The following TRPM8 variants were observed in gnomAD, a reference collection of about 807,000 sequenced individuals.
TRPM8 encodes the protein TRPM8 cationic channel.
In TRPM8, 110 loss-of-function variants were observed where a neutral mutation model predicts 133.7. The ratio of observed to expected loss-of-function variants is 0.82; its 90% confidence interval spans 0.70 to 0.96. The LOEUF is 0.96. Among genes scored for constraint, TRPM8 ranks in the 40% least tolerant of loss-of-function variants. The pLI is 0.00. For missense variants in TRPM8, 1,291 were observed against 1,379.5 expected, an observed-to-expected ratio of 0.94 and a Z score of 1.02; for synonymous variants, 535 against 532.3, an observed-to-expected ratio of 1.01 and a Z score of -0.07.
rs760117949 is a variant in TRPM8 at position 233,937,266 on chromosome 2, G to A, written c.192-87G>A. 2.0e-6 allele frequency: 3 copies of A among 1,483,944 alleles called. No homozygotes were observed. In the South Asian group the frequency reaches 3.7e-5, roughly 18 times the overall value. 91.9% of individuals were successfully genotyped at this position (1,483,944 alleles called of 1,614,324 possible). On this transcript the variant is annotated intron_variant, in intron 3 of 25. Transcript: ENST00000324695. ...AAAATAAGACTTGAAGGTATCCTTT[G>A]TGTGTCTATTTAAGCTAACAATACC...
chr2:233,985,740 A>T lies in TRPM8; in HGVS notation c.2814A>T (p.Pro938=). The T allele has an allele frequency of 6.2e-7, 1 of 1,614,190 alleles. No homozygotes were observed. The highest frequency in any genetic ancestry group is 2.2e-5 in the East Asian group (1 of 44,876). Residue 938 remains proline (P), a synonymous_variant, in exon 21 of 26, where the codon CCA becomes CCT. Transcript: ENST00000324695. ...HCTFTGNESK[P]LCVELDEHNL... Reference sequence around the variant, plus strand: ...CCTTCACTGGGAATGAGTCCAAGCCACTGTGTGTGGAGCTGGATGAGCACA... The same window carrying T: ...CCTTCACTGGGAATGAGTCCAAGCCTCTGTGTGTGGAGCTGGATGAGCACA...
intron 25 of TRPM8, among the ~76,000 whole-genome samples, chr2:234,015,187 A>G (rs1692929475): frequency 6.6e-6 from 1 of 152,200 alleles, no homozygotes; most frequent in African/African-American, 2.4e-5. Flanking sequence ...TAAAAATGCA[A>G]TTCAATTAAC....
intron 13 of TRPM8, 60 bp downstream of exon 13, chr2:233,963,437 G>C: frequency 9.4e-7 from 1 of 1,061,422 alleles, no homozygotes; most frequent in Non-Finnish European, 1.4e-6. Flanking sequence ...TAACAGTTCT[G>C]ATCCTCTCAA....
intron 17 of TRPM8, among the ~76,000 whole-genome samples, chr2:233,972,842 C>G (rs1433071677): frequency 6.6e-6 from 1 of 152,206 alleles, no homozygotes; most frequent in Non-Finnish European, 1.5e-5. Flanking sequence ...TTCCCGCTCA[C>G]GCCACTCCTT....
At position 233,954,042 on chromosome 2, in the gene TRPM8, G is replaced by A. The variant is rs201947255; in HGVS notation, c.1243+23G>A. On this transcript the variant is annotated intron_variant, in intron 10 of 25. Coordinates refer to ENST00000324695, the MANE Select transcript of TRPM8 (RefSeq NM_024080.5). ...AAGGTGAGTAAAAATAGCTCCTTTT[G>A]AAGTGTCAGCTTTGTGTTGCCTTCT... 5.2e-6 allele frequency: 8 copies of A among 1,537,148 alleles called. No homozygotes were observed. In the East Asian group the frequency reaches 1.8e-4, roughly 35 times the overall value.
At chr2:233,972,561 T>G (rs1691754793) in intron 17 of TRPM8, among the ~76,000 whole-genome samples, 1 of 152,266 alleles carries the variant, frequency 6.6e-6, no homozygotes, top group East Asian at 1.9e-4. Context: ...AGGAGCCCAC[T>G]GAGGGGGTGG....
intron 4 of TRPM8, among the ~76,000 whole-genome samples, chr2:233,938,244 C>T (rs1024118085): frequency 7.2e-5 from 11 of 152,234 alleles, no homozygotes; most frequent in African/African-American, 2.7e-4. Context: ...CGGCTTCAAA[C>T]GCCTCAAGTC....
rs750986849 is a variant in TRPM8 at position 233,969,766 on chromosome 2, G to A, written c.2097G>A (p.Leu699=). 1 of 1,613,968 alleles carries A rather than the reference G, an allele frequency of 6.2e-7. No individual in the cohort carries two copies. The highest frequency in any genetic ancestry group is 8.5e-7 in the Non-Finnish European group (1 of 1,179,832). ...DTKNWKIILC[L]FIIPLVGCGF... ...AGAACTGGAAGATTATCCTGTGTCT[G>A]TTTATTATACCCTTGGTGGGCTGTG... The change falls in exon 16 of 26, where the codon CTG becomes CTA. Residue 699 remains leucine (L), a synonymous_variant. Coordinates refer to ENST00000324695, the MANE Select transcript of TRPM8 (RefSeq NM_024080.5).
chr2:233,979,080 T>C (rs1691941733), intron 17 of TRPM8, among the ~76,000 whole-genome samples: 1 of 152,174 alleles, frequency 6.6e-6, no homozygotes, highest in African/African-American at 2.4e-5. Context: ...TAGGCTGTGA[T>C]TTTGGCAGCA....
chr2:233,924,440 C>G (rs28901605), intron 1 of TRPM8, among the ~76,000 whole-genome samples: 13,996 of 152,112 alleles, frequency 0.092, 1,754 homozygotes, highest in East Asian at 0.34. Flanking sequence ...GGACCTCAGG[C>G]CTTAAGTTCC....
intron 3 of TRPM8, chr2:233,933,666 T>A (rs1383175100): frequency 6.6e-6 from 1 of 152,300 alleles, no homozygotes; most frequent in Non-Finnish European, 1.5e-5. Context: ...GACACACCCC[T>A]ACCCTTAGCA....
chr2:233,993,348 A>G (rs1469540170), intron 21 of TRPM8, among the ~76,000 whole-genome samples: 1 of 152,218 alleles, frequency 6.6e-6, no homozygotes, highest in Non-Finnish European at 1.5e-5. Flanking sequence ...TTGGTGACCT[A>G]TGAGGCAGAG....
intron 3 of TRPM8, among the ~76,000 whole-genome samples, chr2:233,932,505 C>A (rs1285012217): frequency 6.6e-6 from 1 of 151,990 alleles, no homozygotes; most frequent in African/African-American, 2.4e-5. Context: ...GGAGATGTGT[C>A]CAGGTGAACT....
chr2:233,960,694 T>C, intron 11 of TRPM8, 82 bp from the exon 12 acceptor site: 2 of 1,062,468 alleles, frequency 1.9e-6, no homozygotes, highest in East Asian at 2.4e-5. Flanking sequence ...AATACAGTGC[T>C]ACTGAGGAAG....
At position 234,019,331 on chromosome 2, in the gene TRPM8, CTG is replaced by C. The variant is rs1693036368; in HGVS notation, c.*2076_*2077del. 6.6e-6 allele frequency: 1 copy of C among 152,174 alleles called. No individual in the cohort carries two copies. Among genetic ancestry groups the C allele is most frequent in the Non-Finnish European group, 1.5e-5 (1 of 68,038 alleles). The allele number at this position is 152,174 out of a possible 1,614,324, so 9.4% of individuals were successfully genotyped here. ...CTGGTGGATGTTTTTGCAGGTTACT[CTG>C]AGAATTTTGCTTATGAAAAATCATT... On this transcript the variant is annotated 3_prime_UTR_variant, in exon 26 of 26. Coordinates refer to ENST00000324695, the MANE Select transcript of TRPM8 (RefSeq NM_024080.5).
chr2:233,932,169 G>A (rs912319117), intron 3 of TRPM8, among the ~76,000 whole-genome samples: 5 of 152,218 alleles, frequency 3.3e-5, no homozygotes, highest in Non-Finnish European at 7.3e-5. Flanking sequence ...ATGGGATCTT[G>A]TGGCTGAAAA....
At chr2:233,921,092 C>G (rs1490363523) in intron 1 of TRPM8, among the ~76,000 whole-genome samples, 1 of 152,034 alleles carries the variant, frequency 6.6e-6, no homozygotes, top group Non-Finnish European at 1.5e-5. Context: ...AACTCCTGAC[C>G]TCAGGCGATC....
intron 10 of TRPM8, 86 bp downstream of exon 10, chr2:233,954,105 C>A: frequency 1.1e-6 from 1 of 937,230 alleles, no homozygotes. Context: ...TATAAAACAG[C>A]TTTATTGAAA....
At position 233,927,725 on chromosome 2, in the gene TRPM8, T is replaced by C. The variant is rs140530024; in HGVS notation, c.117+1071T>C. On this transcript the variant is annotated intron_variant, in intron 2 of 25. Coordinates refer to ENST00000324695, the MANE Select transcript of TRPM8 (RefSeq NM_024080.5). The stretch of plus-strand genomic sequence containing the variant: ...GAGTCTGTCTCTTTCTTTCTTTCTT[T>C]CTTTCTTTCTTTCTTTCTTTCTTTC... 2.3e-3 allele frequency among the ~76,000 whole-genome samples: 74 copies of C among 31,998 alleles called. 1 individual carries two copies. The East Asian group carries it at 0.091, about 39-fold the overall frequency. 21.0% of individuals were successfully genotyped at this position (31,998 alleles called of 152,430 possible).
Sources: allele counts gnomAD v4.1 joint callset (sites outside exome capture counted in the v4.1 genomes callset), GRCh38; gene constraint gnomAD v4.1.1; transcripts MANE v1.5; gene names NCBI Gene and HGNC (gene_info 2026-07-23, HGNC 2026-07-21).